The following IGSF11 variants were observed in gnomAD, a reference collection of about 807,000 sequenced individuals.
IGSF11 encodes the protein CXADR like 1.
In IGSF11, 22 loss-of-function variants were observed where a neutral mutation model predicts 41.0. That is an observed-to-expected ratio of 0.54 (90% CI 0.38 to 0.77). The LOEUF (loss-of-function observed/expected upper bound fraction) is 0.77, where lower values mean the gene tolerates loss of function less well. Among genes scored for constraint, IGSF11 ranks in the 30% least tolerant of loss-of-function variants. The probability of loss-of-function intolerance (pLI) is 0.00; values close to 1 mark genes in which losing one functional copy is unlikely to be tolerated. For missense variants in IGSF11, 444 were observed against 530.8 expected, an observed-to-expected ratio of 0.84 and a Z score of 1.61; for synonymous variants, 219 against 201.3, an observed-to-expected ratio of 1.09 and a Z score of -0.74.
At chr3:118,968,808 T>C (rs555644249) in intron 1 of IGSF11, among the ~76,000 whole-genome samples, 1 of 152,358 alleles carries the variant, frequency 6.6e-6, no homozygotes, top group Admixed American at 6.5e-5. Context: ...ATTAACACCA[T>C]CAAGGTTTCT....
chr3:118,922,094 C>T (rs1028914396), intron 4 of IGSF11, among the ~76,000 whole-genome samples: 3 of 151,334 alleles, frequency 2.0e-5, no homozygotes, highest in African/African-American at 7.3e-5. Context: ...ATAATATTGG[C>T]AAACCCAATG....
intron 1 of IGSF11, among the ~76,000 whole-genome samples, chr3:118,936,246 C>T (rs2107547032): frequency 6.6e-6 from 1 of 152,250 alleles, no homozygotes. Flanking sequence ...GTGGCTCACA[C>T]TTGTAATCCC....
Position 118,902,866 on chromosome 3 carries a change from T to C in IGSF11, c.950A>G (p.Tyr317Cys), listed in dbSNP as rs371949035. 1.2e-5 allele frequency: 20 copies of C among 1,614,160 alleles called. No individual in the cohort carries two copies. The highest frequency in any genetic ancestry group is 1.5e-5 in the Non-Finnish European group (18 of 1,179,992). ...DNNTLTSSNA[Y>C]NSRYWSNNPK... is the part of the protein sequence containing the mutation. ...ATTGTTGCTCCAGTATCGACTGTTGTAGGCATTGGAAGAGGTTAGTGTGTT... is the reference window on the plus strand; with the variant it reads ...ATTGTTGCTCCAGTATCGACTGTTGCAGGCATTGGAAGAGGTTAGTGTGTT... Residue 317 changes from tyrosine (Y) to cysteine (C), a missense_variant, in exon 7 of 7, where the codon TAC becomes TGC. This residue lies in a region of IGSF11 where 223 missense variants were observed against 226.2 expected (regional missense o/e 0.99). Coordinates refer to ENST00000393775, the MANE Select transcript of IGSF11 (RefSeq NM_001015887.3).
intron 1 of IGSF11, among the ~76,000 whole-genome samples, chr3:119,058,980 G>T (rs143887295): frequency 6.6e-6 from 1 of 151,670 alleles, no homozygotes; most frequent in Non-Finnish European, 1.5e-5. Flanking sequence ...GTTGTGGGGT[G>T]GGGGGAGAGG....
At chr3:119,048,416 T>A (rs1288058259) in intron 1 of IGSF11, among the ~76,000 whole-genome samples, 1 of 152,142 alleles carries the variant, frequency 6.6e-6, no homozygotes, top group Non-Finnish European at 1.5e-5. Flanking sequence ...GATAAATTCT[T>A]GACACATACA....
Position 119,114,149 on chromosome 3 carries a change from T to C in IGSF11, c.-13-8944A>G, listed in dbSNP as rs188872413. Among the ~76,000 whole-genome samples the C allele has an allele frequency of 2.9e-4, 44 of 152,360 alleles. No individual in the cohort carries two copies. In the East Asian group the frequency reaches 8.3e-3, roughly 29 times the overall value. Reference sequence around the variant, plus strand: ...TGGGAGGGGCTGCTGCAAAGGTATCTAAAATGCCTTCAAGGCATTTTCCCC... The same window carrying C: ...TGGGAGGGGCTGCTGCAAAGGTATCCAAAATGCCTTCAAGGCATTTTCCCC... On this transcript the variant is annotated intron_variant, in intron 1 of 7. Coordinates refer to the IGSF11 transcript ENST00000425327.
intron 1 of IGSF11, among the ~76,000 whole-genome samples, chr3:119,065,582 C>T (rs992191698): frequency 2.0e-5 from 3 of 152,032 alleles, no homozygotes; most frequent in Non-Finnish European, 4.4e-5. Flanking sequence ...TACCTGAGGT[C>T]AGGAGGTTGA....
chr3:119,125,871 T>C (rs1017364562), intron 1 of IGSF11, among the ~76,000 whole-genome samples: 2 of 152,120 alleles, frequency 1.3e-5, no homozygotes, highest in African/African-American at 4.8e-5. Context: ...GTGAGCATGC[T>C]ACCCAGCTGG....
At chr3:119,121,142 T>C (rs56337924) in intron 1 of IGSF11, among the ~76,000 whole-genome samples, 11,463 of 152,056 alleles carry the variant, frequency 0.075, 566 homozygotes, top group Admixed American at 0.16. Context: ...CAGCTTTCAA[T>C]GAAAAATTAT....
intron 1 of IGSF11, among the ~76,000 whole-genome samples, chr3:119,130,025 T>C (rs1203278340): frequency 6.6e-6 from 1 of 151,760 alleles, no homozygotes; most frequent in Non-Finnish European, 1.5e-5. Flanking sequence ...AAGCAAGAAA[T>C]TAAATCATAC....
At chr3:119,044,777 GC>G (rs1404257287) in intron 1 of IGSF11, among the ~76,000 whole-genome samples, 18 of 152,250 alleles carry the variant, frequency 1.2e-4, no homozygotes, top group African/African-American at 3.6e-4. Context: ...ATAATTATCA[GC>G]CTAGAATTTT....
intron 1 of IGSF11, among the ~76,000 whole-genome samples, chr3:119,061,135 C>T (rs994659851): frequency 2.0e-5 from 3 of 152,090 alleles, no homozygotes; most frequent in Non-Finnish European, 4.4e-5. Context: ...GTTTTAATAT[C>T]ATTTTTAGAA....
intron 1 of IGSF11, among the ~76,000 whole-genome samples, chr3:118,953,434 A>T (rs1467422637): frequency 6.6e-6 from 1 of 152,212 alleles, no homozygotes; most frequent in Non-Finnish European, 1.5e-5. Context: ...GCTGGATCAA[A>T]TGGTAGTTCT....
At chr3:119,060,654 A>G (rs1470612077) in intron 1 of IGSF11, among the ~76,000 whole-genome samples, 3 of 152,196 alleles carry the variant, frequency 2.0e-5, no homozygotes, top group African/African-American at 7.2e-5. Context: ...TGCATAGTCA[A>G]GATGATACAG....
At chr3:119,049,985 T>C (rs1278995111) in intron 1 of IGSF11, among the ~76,000 whole-genome samples, 8 of 146,510 alleles carry the variant, frequency 5.5e-5, no homozygotes, top group African/African-American at 1.0e-4. Flanking sequence ...TTACACCTTA[T>C]ACAAAAATCA....
intron 1 of IGSF11, among the ~76,000 whole-genome samples, chr3:118,966,403 T>G (rs929735616): frequency 7.9e-5 from 12 of 152,168 alleles, no homozygotes; most frequent in Non-Finnish European, 1.5e-4. Context: ...TCCATGTTGC[T>G]TTTTTTCTAC....
At chr3:119,133,251 A>G (rs1377449942) in intron 1 of IGSF11, among the ~76,000 whole-genome samples, 2 of 152,178 alleles carry the variant, frequency 1.3e-5, no homozygotes, top group Non-Finnish European at 2.9e-5. Context: ...ACACAAAAAA[A>G]CCCTTCAAAA....
At chr3:119,048,826 T>G (rs1941486533) in intron 1 of IGSF11, among the ~76,000 whole-genome samples, 1 of 152,072 alleles carries the variant, frequency 6.6e-6, no homozygotes, top group Non-Finnish European at 1.5e-5. Flanking sequence ...ATCCCTGGGA[T>G]GCAAGGCTGG....
chr3:118,943,772 G>A (rs574005024), intron 1 of IGSF11, among the ~76,000 whole-genome samples: 7 of 152,326 alleles, frequency 4.6e-5, no homozygotes, highest in Non-Finnish European at 8.8e-5. Flanking sequence ...GCTATCTAGA[G>A]TTTCCAGATG....
Sources: allele counts gnomAD v4.1 joint callset (sites outside exome capture counted in the v4.1 genomes callset), GRCh38; gene constraint gnomAD v4.1.1; regional missense constraint gnomAD v4.1.1; transcripts MANE v1.5; gene names NCBI Gene and HGNC (gene_info 2026-07-23, HGNC 2026-07-21).